The following LINGO2 variants were observed in gnomAD, a reference collection of about 807,000 sequenced individuals.
The protein encoded by LINGO2 is leucine-rich repeat and immunoglobulin-like domain-containing nogo receptor-interacting protein 2.
In LINGO2, 14 loss-of-function variants were observed where a neutral mutation model predicts 30.6. The ratio of observed to expected loss-of-function variants is 0.46; its 90% CI spans 0.30 to 0.72. The LOEUF (loss-of-function observed/expected upper bound fraction) is 0.72. Ranked by LOEUF, LINGO2 falls within the 30% of genes least tolerant of loss-of-function variation. LINGO2 has a pLI of 0.07. For synonymous variants in LINGO2, 317 were observed against 288.5 expected (o/e 1.10, Z -1.00); for missense variants, 729 against 751.7 (o/e 0.97, Z 0.35).
the LINGO2 span, among the ~76,000 whole-genome samples, chr9:28,821,911 G>C: frequency 6.6e-6 from 1 of 152,132 alleles, no homozygotes; most frequent in Admixed American, 6.6e-5. Flanking sequence ...TGGAGAGTGG[G>C]AGACAATGCT....
chr9:28,307,594 A>T (rs1824422386), intron 3 of LINGO2, among the ~76,000 whole-genome samples: 1 of 152,162 alleles, frequency 6.6e-6, no homozygotes, highest in Admixed American at 6.5e-5. Context: ...ATTAGGCAGG[A>T]GAAGGAAATA....
At chr9:28,431,228 CGGGGGT>C (rs1823663879) in intron 2 of LINGO2, among the ~76,000 whole-genome samples, 1 of 152,076 alleles carries the variant, frequency 6.6e-6, no homozygotes, top group Non-Finnish European at 1.5e-5. Context: ...GAATCATTGT[CGGGGGT>C]GGAGAAGGTA....
At chr9:28,340,438 ATGTT>A (rs1321596118) in intron 3 of LINGO2, among the ~76,000 whole-genome samples, 1 of 152,144 alleles carries the variant, frequency 6.6e-6, no homozygotes, top group African/African-American at 2.4e-5. Flanking sequence ...GGGGTATAAA[ATGTT>A]TGTAATTATA....
the LINGO2 span, among the ~76,000 whole-genome samples, chr9:28,743,364 G>A: frequency 6.6e-6 from 1 of 151,688 alleles, no homozygotes; most frequent in Non-Finnish European, 1.5e-5. Context: ...GCCCCGGTGT[G>A]TGATATTCCC....
At chr9:28,510,659 G>A (rs1241285355) in intron 1 of LINGO2, among the ~76,000 whole-genome samples, 1 of 144,528 alleles carries the variant, frequency 6.9e-6, no homozygotes, top group Non-Finnish European at 1.5e-5. Flanking sequence ...AACCCAGGTT[G>A]TTCTAGTGTC....
intron 4 of LINGO2, chr9:28,149,084 C>G: frequency 6.5e-7 from 1 of 1,534,316 alleles, no homozygotes. Context: ...GTTGGTGGGT[C>G]AGGCTTCCCA....
chr9:28,054,805 A>G (rs1239922526), intron 4 of LINGO2, among the ~76,000 whole-genome samples: 3 of 152,126 alleles, frequency 2.0e-5, no homozygotes, highest in African/African-American at 4.8e-5. Flanking sequence ...TTAATTTTCA[A>G]TATTTCCTTA....
chr9:28,449,389 T>A (rs1929812), intron 2 of LINGO2, among the ~76,000 whole-genome samples: 71,696 of 151,600 alleles, frequency 0.47, 18,458 homozygotes, highest in Middle Eastern at 0.62. Context: ...TTCTTTTTTT[T>A]AAAAAAAGTG....
At chr9:28,855,010 T>C in the LINGO2 span, among the ~76,000 whole-genome samples, 2 of 151,994 alleles carry the variant, frequency 1.3e-5, no homozygotes, top group Non-Finnish European at 2.9e-5. Flanking sequence ...TATTTTAAAG[T>C]ATAACTATCA....
At chr9:28,380,196 GT>G (rs2134623890) in intron 2 of LINGO2, among the ~76,000 whole-genome samples, 1 of 152,062 alleles carries the variant, frequency 6.6e-6, no homozygotes, top group South Asian at 2.1e-4. Context: ...ATTCACTCAT[GT>G]GTTCATTCAT....
At chr9:28,545,128 T>G (rs1821874337) in intron 1 of LINGO2, among the ~76,000 whole-genome samples, 1 of 152,048 alleles carries the variant, frequency 6.6e-6, no homozygotes, top group Non-Finnish European at 1.5e-5. Context: ...TAAAATCACT[T>G]CTAACTTACA....
chr9:27,999,473 T>A lies in LINGO2; in HGVS notation c.-36+12882A>T, dbSNP rs1340487354. ...GAGAGAGAGAGAGAGAGAGAGAGAG[T>A]CTGTGTGATGCACGTGCATTTGCAT... On this transcript the variant is annotated intron_variant, in intron 5 of 5. Coordinates refer to ENST00000379992, the Ensembl canonical transcript of LINGO2. Among the ~76,000 whole-genome samples, 153 of 111,418 alleles carry A rather than the reference T, an allele frequency of 1.4e-3. 2 individuals are homozygous for A. Among genetic ancestry groups the A allele is most frequent in the African/African-American group, 4.7e-3 (138 of 29,248 alleles). 73.1% of individuals were successfully genotyped at this position (111,418 alleles called of 152,430 possible).
the LINGO2 span, among the ~76,000 whole-genome samples, chr9:29,080,078 C>CA: frequency 6.6e-6 from 1 of 151,978 alleles, no homozygotes; most frequent in East Asian, 1.9e-4. Flanking sequence ...TGGTCCTGGA[C>CA]TTTTTTTGGT....
At chr9:28,739,923 CAT>C in the LINGO2 span, among the ~76,000 whole-genome samples, 6 of 148,712 alleles carry the variant, frequency 4.0e-5, no homozygotes, top group South Asian at 2.1e-4. Flanking sequence ...TATAAATATA[CAT>C]ATATATATGT....
At chr9:28,458,963 G>A (rs1313883097) in intron 2 of LINGO2, among the ~76,000 whole-genome samples, 2 of 102,382 alleles carry the variant, frequency 2.0e-5, no homozygotes, top group Non-Finnish European at 1.9e-5. Context: ...AAGGTATATA[G>A]AGCCCAAATG....
At chr9:28,289,247 A>G (rs1823631957) in intron 4 of LINGO2, among the ~76,000 whole-genome samples, 1 of 152,212 alleles carries the variant, frequency 6.6e-6, no homozygotes, top group Non-Finnish European at 1.5e-5. Context: ...ATAAAACTAT[A>G]ATATATAAAT....
intron 2 of LINGO2, among the ~76,000 whole-genome samples, chr9:28,449,032 CGTGTGTGTGTGTGTGTGTGTGTGTGTGT>C (rs140779747): frequency 2.2e-5 from 3 of 137,910 alleles, no homozygotes; most frequent in Non-Finnish European, 3.1e-5. Context: ...TATTCACATT[CGTGTGTGTGTGTGTGTGTGTGTGTGTGT>C]GTGTGTGTGT....
At chr9:29,028,835 T>C in the LINGO2 span, among the ~76,000 whole-genome samples, 3 of 152,264 alleles carry the variant, frequency 2.0e-5, no homozygotes, top group South Asian at 4.1e-4. Flanking sequence ...AGAACTTAGA[T>C]GGATAAGTGA....
chr9:29,177,498 T>C, the LINGO2 span, among the ~76,000 whole-genome samples: 85 of 152,288 alleles, frequency 5.6e-4, no homozygotes, highest in Non-Finnish European at 1.0e-3. Context: ...TGTATTAGCA[T>C]TCTTAAAGAA....
Sources: gnomAD v4.1 joint callset for allele counts (sites outside exome capture counted in the v4.1 genomes callset) on GRCh38, gnomAD v4.1.1 for gene constraint, MANE v1.5 for transcripts, NCBI Gene and HGNC (gene_info 2026-07-23, HGNC 2026-07-21) for gene names.